Variants in TTC34 observed in about 807,000 individuals in gnomAD.
TTC34 encodes tetratricopeptide repeat domain 34, also known as tetratricopeptide repeat protein 34.
Under a neutral mutation model 40.7 loss-of-function variants are expected in TTC34, and 44 were observed. That is an observed-to-expected ratio of 1.08 (90% confidence interval 0.85 to 1.39). The LOEUF is 1.39. Ranked by LOEUF, TTC34 falls within the 40% of genes most tolerant of loss-of-function variation. The pLI is 0.00. For missense variants in TTC34, 884 were observed against 838.0 expected, an observed-to-expected ratio of 1.05 and a Z score of -0.68; for synonymous variants, 422 against 398.6, an observed-to-expected ratio of 1.06 and a Z score of -0.70.
chr1:2,656,394 C>A (rs1351727155), intron 6 of TTC34, among the ~76,000 whole-genome samples: 3 of 2,408 alleles, frequency 1.2e-3, no homozygotes, highest in African/African-American at 3.8e-3. Context: ...GAGCATCTGA[C>A]AGCATGTAAC....
At chr1:2,685,900 G>C (rs1423126514) in intron 6 of TTC34, among the ~76,000 whole-genome samples, 14 of 146,048 alleles carry the variant, frequency 9.6e-5, no homozygotes, top group African/African-American at 2.6e-4. Context: ...GCATCTGACA[G>C]CCTGGAACAG....
intron 1 of TTC34, among the ~76,000 whole-genome samples, chr1:2,801,176 G>T (rs1569983156): frequency 6.6e-6 from 1 of 152,250 alleles, no homozygotes; most frequent in South Asian, 2.1e-4. Flanking sequence ...ATGTCGGGAG[G>T]GTTACGGTGG....
intron 4 of TTC34, among the ~76,000 whole-genome samples, chr1:2,786,867 G>A (rs981962486): frequency 6.6e-6 from 1 of 152,180 alleles, no homozygotes; most frequent in African/African-American, 2.4e-5. Flanking sequence ...CAGGTTCAGG[G>A]CATCCGAACC....
At chr1:2,666,173 C>CCCCG (rs1639647135) in intron 6 of TTC34, among the ~76,000 whole-genome samples, 1 of 99,590 alleles carries the variant, frequency 1.0e-5, no homozygotes, top group Non-Finnish European at 2.2e-5. Context: ...CCCACACCCA[C>CCCCG]AGGTGAGCAT....
intron 6 of TTC34, among the ~76,000 whole-genome samples, chr1:2,781,814 A>C (rs115091241): frequency 0.013 from 2,051 of 152,304 alleles, 42 homozygotes; most frequent in African/African-American, 0.038. Flanking sequence ...GGTACATCAC[A>C]TAAATTGACA....
intron 6 of TTC34, among the ~76,000 whole-genome samples, chr1:2,750,092 G>A (rs1641266092): frequency 7.3e-6 from 1 of 136,264 alleles, no homozygotes; most frequent in Admixed American, 7.5e-5. Flanking sequence ...CACCCCCAGT[G>A]AGCATCTGAC....
intron 7 of TTC34, among the ~76,000 whole-genome samples, chr1:2,644,904 G>A (rs1201647105): frequency 6.6e-6 from 1 of 152,170 alleles, no homozygotes; most frequent in Non-Finnish European, 1.5e-5. Flanking sequence ...TCCGCGGGAA[G>A]GGCCTGCATG....
intron 6 of TTC34, among the ~76,000 whole-genome samples, chr1:2,684,451 C>A (rs1369824443): frequency 7.0e-6 from 1 of 142,032 alleles, no homozygotes; most frequent in African/African-American, 2.6e-5. Context: ...AGGTGAGCAT[C>A]TGACGGCCTG....
chr1:2,749,114 A>AC (rs1641236516), intron 6 of TTC34, among the ~76,000 whole-genome samples: 1 of 141,308 alleles, frequency 7.1e-6, no homozygotes, highest in Admixed American at 7.3e-5. Flanking sequence ...CTGGAGCAGC[A>AC]CCCACACCCC....
In TTC34 at chr1:2,645,400, T is replaced by C. The variant is rs1236374795; in HGVS notation, c.2390A>G (p.Glu797Gly). 5.2e-6 allele frequency: 8 copies of C among 1,535,574 alleles called. No homozygotes were observed. The highest frequency in any genetic ancestry group is 7.0e-6 in the Non-Finnish European group (8 of 1,146,700). ...AAGGAGGCCCTGGGTGTCCTTGTCC[T>C]CGAGAGGGGCCCCAGTGTCTGGCAG... Residue 797 changes from glutamate (E) to glycine (G), a missense_variant, in exon 7 of 9, where the codon GAG (glutamate) becomes GGG (glycine). By Grantham distance (98) the Glu-to-Gly change is moderately conservative (BLOSUM62 -2). Coordinates refer to ENST00000401095, the Ensembl canonical transcript of TTC34. This position sits in a 1 kb window ranked among gnomAD's most constrained non-coding sequence, Gnocchi z 4.7.
At chr1:2,767,788 C>T (rs1324085115) in intron 6 of TTC34, among the ~76,000 whole-genome samples, 1 of 149,128 alleles carries the variant, frequency 6.7e-6, no homozygotes, top group African/African-American at 2.5e-5. Flanking sequence ...CATCTGACAG[C>T]CTGGGGCAGC....
intron 6 of TTC34, among the ~76,000 whole-genome samples, chr1:2,686,746 T>A (rs375802398): frequency 6.3e-5 from 9 of 142,736 alleles, no homozygotes; most frequent in Admixed American, 7.0e-5. Context: ...TCTGACAGCC[T>A]GGAACGGCAC....
chr1:2,781,170 T>A lies in TTC34; in HGVS notation c.2226+2439A>T, dbSNP rs4648459. Among the ~76,000 whole-genome samples, 1,445 of 151,972 alleles carry A rather than the reference T, an allele frequency of 9.5e-3. 30 individuals carry two copies. The highest frequency in any genetic ancestry group is 0.033 in the African/African-American group (1,369 of 41,458). ...GATCAGTTCTTGGGATGTGCAACCC[T>A]CGTACACAGAGGGCCAACTTTTCAT... On this transcript the variant is annotated intron_variant, in intron 6 of 8. Coordinates refer to ENST00000401095, the Ensembl canonical transcript of TTC34.
intron 6 of TTC34, among the ~76,000 whole-genome samples, chr1:2,662,400 C>T (rs1227578995): frequency 1.0e-5 from 1 of 96,862 alleles, no homozygotes; most frequent in African/African-American, 3.1e-5. Context: ...CACCCACAAC[C>T]ACAGGTGAAC....
intron 6 of TTC34, among the ~76,000 whole-genome samples, chr1:2,777,709 A>C (rs2100604498): frequency 1.3e-5 from 2 of 149,730 alleles, no homozygotes; most frequent in Admixed American, 6.8e-5. Context: ...GCGCAGCATC[A>C]GCCCATATCC....
intron 6 of TTC34, among the ~76,000 whole-genome samples, chr1:2,686,525 C>G (rs1164542352): frequency 1.6e-5 from 2 of 122,852 alleles, no homozygotes; most frequent in Non-Finnish European, 3.3e-5. Flanking sequence ...CCTGCACCCC[C>G]AGGGGAGCAT....
chr1:2,761,128 G>C (rs1329010340), intron 6 of TTC34, among the ~76,000 whole-genome samples: 1 of 51,330 alleles, frequency 1.9e-5, no homozygotes, highest in Non-Finnish European at 3.1e-5. Context: ...TACTCCCCCA[G>C]GTGAGCATCC....
chr1:2,792,031 T>C (rs1643668882), intron 2 of TTC34, among the ~76,000 whole-genome samples: 1 of 135,842 alleles, frequency 7.4e-6, no homozygotes, highest in African/African-American at 2.9e-5. Context: ...TTTTTTTTTT[T>C]TTAAAGACAG....
At chr1:2,786,752 A>T (rs2100625736) in intron 4 of TTC34, among the ~76,000 whole-genome samples, 1 of 152,180 alleles carries the variant, frequency 6.6e-6, no homozygotes, top group Non-Finnish European at 1.5e-5. Context: ...GGAGACCTCC[A>T]CCCCACAACG....
Sources: allele counts gnomAD v4.1 joint callset (sites outside exome capture counted in the v4.1 genomes callset), GRCh38; gene constraint gnomAD v4.1.1; non-coding constraint Gnocchi (gnomAD v3.1); transcripts MANE v1.5; gene names NCBI Gene and HGNC (gene_info 2026-07-23, HGNC 2026-07-21).